The following NCALD variants were observed in gnomAD, a reference collection of about 807,000 sequenced individuals.
The protein encoded by NCALD is neurocalcin-delta.
A neutral mutation model predicts 18.6 loss-of-function variants in NCALD; 10 were observed. That is an observed-to-expected ratio of 0.54 (90% CI 0.33 to 0.91). The LOEUF (loss-of-function observed/expected upper bound fraction) is 0.91. NCALD is among the 40% of genes least tolerant of loss of function. The pLI is 0.03. For synonymous variants in NCALD, 88 were observed against 87.4 expected (o/e 1.01, Z -0.04); for missense variants, 184 against 247.6 (o/e 0.74, Z 1.72).
intron 2 of NCALD, among the ~76,000 whole-genome samples, chr8:101,982,253 C>T (rs1425575290): frequency 1.3e-5 from 2 of 152,152 alleles, no homozygotes; most frequent in African/African-American, 4.8e-5. Context: ...AACAGACTAA[C>T]ACACATTCTA....
At chr8:102,086,720 G>A (rs1824749095) in intron 1 of NCALD, among the ~76,000 whole-genome samples, 1 of 152,198 alleles carries the variant, frequency 6.6e-6, no homozygotes. Flanking sequence ...TTCTTGAATA[G>A]GGGCTTGGTA....
intron 3 of NCALD, among the ~76,000 whole-genome samples, chr8:101,891,465 G>A (rs1167107258): frequency 6.6e-6 from 1 of 152,190 alleles, no homozygotes; most frequent in Non-Finnish European, 1.5e-5. Context: ...TCATTGCTGA[G>A]TAGTATTCCA....
intron 2 of NCALD, among the ~76,000 whole-genome samples, chr8:102,018,322 A>T (rs573129076): frequency 2.2e-4 from 33 of 152,350 alleles, no homozygotes; most frequent in Non-Finnish European, 4.3e-4. Flanking sequence ...TATTCCTAGT[A>T]GCTAAATACT....
chr8:101,811,680 C>T (rs762291752), intron 4 of NCALD, among the ~76,000 whole-genome samples: 3 of 152,166 alleles, frequency 2.0e-5, no homozygotes, highest in Non-Finnish European at 4.4e-5. Flanking sequence ...AAGAGAAGTA[C>T]AGCAAAGTGC....
At chr8:101,747,637 A>G (rs550420144) in intron 1 of NCALD, among the ~76,000 whole-genome samples, 2 of 152,184 alleles carry the variant, frequency 1.3e-5, no homozygotes, top group East Asian at 3.9e-4. Flanking sequence ...AAACAACCAC[A>G]GTTGCACTTC....
chr8:101,840,460 AC>A (rs1433764184), intron 4 of NCALD, among the ~76,000 whole-genome samples: 2 of 152,206 alleles, frequency 1.3e-5, no homozygotes, highest in East Asian at 3.8e-4. Flanking sequence ...TGTGTTTTTT[AC>A]TATATCAAAA....
chr8:101,746,783 G>C (rs945314906), intron 1 of NCALD, among the ~76,000 whole-genome samples: 2 of 151,728 alleles, frequency 1.3e-5, no homozygotes, highest in Admixed American at 6.6e-5. Flanking sequence ...ATTTTACATA[G>C]ATAAATCTTT....
chr8:101,849,327 C>T (rs1049996234), intron 4 of NCALD, among the ~76,000 whole-genome samples: 2 of 152,064 alleles, frequency 1.3e-5, no homozygotes, highest in African/African-American at 4.8e-5. Context: ...AACAAACCTG[C>T]ACATCCTGCA....
intron 1 of NCALD, among the ~76,000 whole-genome samples, chr8:102,111,099 A>G (rs1563626584): frequency 6.6e-6 from 1 of 152,066 alleles, no homozygotes; most frequent in Non-Finnish European, 1.5e-5. Flanking sequence ...CTTCTTTCTA[A>G]TTTTCTATAT....
At chr8:101,712,387 G>A (rs1188870587) in intron 2 of NCALD, among the ~76,000 whole-genome samples, 2 of 152,008 alleles carry the variant, frequency 1.3e-5, no homozygotes, top group African/African-American at 4.8e-5. Context: ...CATAATGACA[G>A]GATCAAATTC....
intron 3 of NCALD, among the ~76,000 whole-genome samples, chr8:101,904,056 C>A (rs907064992): frequency 5.9e-5 from 9 of 152,156 alleles, no homozygotes; most frequent in African/African-American, 2.2e-4. Context: ...ACCAGGGTCT[C>A]CTGGTTGAAT....
intron 2 of NCALD, among the ~76,000 whole-genome samples, chr8:101,992,980 C>T (rs1202565215): frequency 6.7e-6 from 1 of 148,388 alleles, no homozygotes; most frequent in African/African-American, 2.5e-5. Context: ...GTTTAAATAG[C>T]TCGTCCAAGA....
At chr8:101,757,894 T>A (rs926961334) in intron 1 of NCALD, among the ~76,000 whole-genome samples, 1 of 152,104 alleles carries the variant, frequency 6.6e-6, no homozygotes, top group Non-Finnish European at 1.5e-5. Flanking sequence ...TTTTAACAAT[T>A]TTTTTAGAGC....
At chr8:101,871,583 C>CTT (rs3056946) in intron 4 of NCALD, among the ~76,000 whole-genome samples, 5,961 of 138,838 alleles carry the variant, frequency 0.043, 172 homozygotes, top group African/African-American at 0.089. Context: ...TTCAGATTTT[C>CTT]TTTTTTTTTT....
At chr8:101,872,063 G>A in intron 4 of NCALD, 9 of 1,420,892 alleles carry the variant, frequency 6.3e-6, no homozygotes, top group Non-Finnish European at 8.9e-6. Flanking sequence ...ACCATGGGCA[G>A]ATTCCTATCA....
intron 1 of NCALD, among the ~76,000 whole-genome samples, chr8:101,723,434 A>G (rs1191072668): frequency 6.6e-6 from 1 of 152,194 alleles, no homozygotes; most frequent in Non-Finnish European, 1.5e-5. Context: ...CAGAAGATTA[A>G]AAAAACTGAA....
chr8:101,845,553 T>C, intron 4 of NCALD, among the ~76,000 whole-genome samples: 1 of 152,208 alleles, frequency 6.6e-6, no homozygotes. Flanking sequence ...GTGATTGTAA[T>C]TGTAACTGTA....
intron 2 of NCALD, among the ~76,000 whole-genome samples, chr8:101,922,328 A>G (rs2131658394): frequency 6.6e-6 from 1 of 152,292 alleles, no homozygotes; most frequent in Admixed American, 6.5e-5. Context: ...CTACTTGGTG[A>G]TGTGTAAGAC....
chr8:102,041,539 C>A (rs1264103851), intron 1 of NCALD, among the ~76,000 whole-genome samples: 1 of 152,192 alleles, frequency 6.6e-6, no homozygotes, highest in Non-Finnish European at 1.5e-5. Context: ...AATGGCCCAA[C>A]ACAACCCCCA....
Sources: allele counts gnomAD v4.1 joint callset (sites outside exome capture counted in the v4.1 genomes callset), GRCh38; gene constraint gnomAD v4.1.1; transcripts MANE v1.5; gene names NCBI Gene and HGNC (gene_info 2026-07-23, HGNC 2026-07-21).